PIAS1: variants seen among roughly 807,000 people sequenced by gnomAD.
PIAS1 encodes the protein protein inhibitor of activated STAT 1, also known as E3 SUMO-protein ligase PIAS1.
Under a neutral mutation model 71.3 loss-of-function variants are expected in PIAS1, and 6 were observed. The observed-to-expected ratio is 0.08, with a 90% CI of 0.05 to 0.17. The LOEUF (loss-of-function observed/expected upper bound fraction) is 0.17, where lower values mean the gene tolerates loss of function less well. PIAS1 is among the 10% of genes least tolerant of loss of function. The pLI is 1.00. For synonymous variants in PIAS1, 303 were observed against 292.9 expected, an observed-to-expected ratio of 1.03 and a Z score of -0.35; for missense variants, 555 against 793.6, an observed-to-expected ratio of 0.70 and a Z score of 3.61.
At chr15:68,165,847 A>G (rs922107765) in intron 8 of PIAS1, among the ~76,000 whole-genome samples, 1 of 152,130 alleles carries the variant, frequency 6.6e-6, no homozygotes, top group Non-Finnish European at 1.5e-5. Flanking sequence ...CATATTTTAA[A>G]TTTGGGAGAA....
chr15:68,071,328 G>C (rs2140965554), intron 1 of PIAS1, among the ~76,000 whole-genome samples: 1 of 139,816 alleles, frequency 7.2e-6, no homozygotes, highest in South Asian at 2.3e-4. Context: ...GCAATTCTCT[G>C]CTTCAGCCTC....
chr15:68,097,377 A>C (rs927998133), intron 2 of PIAS1, among the ~76,000 whole-genome samples: 1 of 152,116 alleles, frequency 6.6e-6, no homozygotes, highest in Non-Finnish European at 1.5e-5. Flanking sequence ...TCTTTCATAG[A>C]TGCCCTTCCT....
At chr15:68,182,809 C>T (rs1368158478) in intron 12 of PIAS1, among the ~76,000 whole-genome samples, 1 of 152,136 alleles carries the variant, frequency 6.6e-6, no homozygotes, top group African/African-American at 2.4e-5. Flanking sequence ...AACAACAGTG[C>T]TATGCATTTT....
intron 8 of PIAS1, among the ~76,000 whole-genome samples, chr15:68,165,748 A>AT (rs564298700): frequency 2.0e-5 from 3 of 152,184 alleles, no homozygotes; most frequent in Non-Finnish European, 4.4e-5. Context: ...TGGTGGTTGA[A>AT]TATGGCCATA....
chr15:68,121,745 A>G (rs1188837467), intron 2 of PIAS1, among the ~76,000 whole-genome samples: 5 of 152,136 alleles, frequency 3.3e-5, no homozygotes. Context: ...GCTTCAGGTT[A>G]GTATTTCTTT....
At chr15:68,159,264 T>C (rs886616506) in intron 7 of PIAS1, among the ~76,000 whole-genome samples, 7 of 152,214 alleles carry the variant, frequency 4.6e-5, no homozygotes, top group African/African-American at 1.7e-4. Flanking sequence ...TAATAAGTGC[T>C]TCTACTTTTA....
intron 2 of PIAS1, among the ~76,000 whole-genome samples, chr15:68,112,206 A>G (rs1567046758): frequency 6.6e-6 from 1 of 152,168 alleles, no homozygotes; most frequent in East Asian, 1.9e-4. Flanking sequence ...ACACTTGCAC[A>G]TTAGATCCTA....
intron 2 of PIAS1, among the ~76,000 whole-genome samples, chr15:68,139,988 CTA>C (rs1221760825): frequency 2.0e-5 from 3 of 152,072 alleles, no homozygotes; most frequent in African/African-American, 7.2e-5. Context: ...AAAACCAAAA[CTA>C]TAGACTTCAC....
At chr15:68,134,858 G>A (rs61359905) in intron 2 of PIAS1, among the ~76,000 whole-genome samples, 19 of 29,326 alleles carry the variant, frequency 6.5e-4, no homozygotes, top group African/African-American at 1.3e-3. Flanking sequence ...CCCCCCCACC[G>A]CCCTCCCGGA....
intron 2 of PIAS1, among the ~76,000 whole-genome samples, chr15:68,122,523 A>T (rs188004686): frequency 8.8e-4 from 134 of 152,350 alleles, no homozygotes; most frequent in Non-Finnish European, 1.6e-3. Context: ...AGTGAAATGC[A>T]ATCCTAGAGG....
chr15:68,102,223 C>A (rs903843667), intron 2 of PIAS1, among the ~76,000 whole-genome samples: 1 of 152,170 alleles, frequency 6.6e-6, no homozygotes, highest in Non-Finnish European at 1.5e-5. Context: ...AGGCCGTCCT[C>A]CTCCATTGAA....
intron 6 of PIAS1, among the ~76,000 whole-genome samples, chr15:68,147,707 CCTTTAAATATTTAGTT>C (rs2092818047): frequency 6.6e-6 from 1 of 152,034 alleles, no homozygotes; most frequent in African/African-American, 2.4e-5. Context: ...TCATATTTTA[CCTTTAAATATTTAGTT>C]CATATTAAAT....
chr15:68,073,256 A>G (rs569206765), intron 1 of PIAS1, among the ~76,000 whole-genome samples: 4 of 152,236 alleles, frequency 2.6e-5, no homozygotes, highest in African/African-American at 9.6e-5. Flanking sequence ...TGACCTCGTG[A>G]TCTACCCATC....
intron 2 of PIAS1, among the ~76,000 whole-genome samples, chr15:68,127,870 C>A (rs1282157214): frequency 6.6e-6 from 1 of 152,152 alleles, no homozygotes; most frequent in East Asian, 1.9e-4. Flanking sequence ...TCAAGCAATT[C>A]TCCTGCTTCA....
intron 2 of PIAS1, among the ~76,000 whole-genome samples, chr15:68,121,930 C>G (rs1330654274): frequency 1.3e-5 from 2 of 152,014 alleles, no homozygotes; most frequent in Non-Finnish European, 2.9e-5. Context: ...GTGTTTGAGA[C>G]CAGCCTGGGT....
rs147762283 is a variant in PIAS1 at position 68,077,863 on chromosome 15, T to C, written c.25-8443T>C. On this transcript the variant is annotated intron_variant, in intron 1 of 13. Coordinates refer to ENST00000249636, the MANE Select transcript of PIAS1 (RefSeq NM_016166.3). ...AGTTCAGTACCACCCCTCTAGGACT[T>C]TTCCTTAATCTCTATACTAGGACCC... Among the ~76,000 whole-genome samples, 54 of 152,338 alleles carry C rather than the reference T, an allele frequency of 3.5e-4. 2 individuals are homozygous for C. In the East Asian group the frequency reaches 9.6e-3, roughly 27 times the overall value.
Position 68,146,628 on chromosome 15 carries a change from C to T in PIAS1, c.756C>T (p.Ile252=). 1 of 1,613,042 alleles carries T rather than the reference C, an allele frequency of 6.2e-7. No individual in the cohort carries two copies. Among genetic ancestry groups the T allele is most frequent in the East Asian group, 2.2e-5 (1 of 44,854 alleles). ...AGCGACCCAGCCGACCAATTAATAT[C>T]ACCTCACTTGTCCGACTGTCCACAA... ...EPKRPSRPIN[I]TSLVRLSTTV... Residue 252 remains isoleucine, a synonymous_variant, in exon 6 of 14, where the codon ATC becomes ATT. Transcript: ENST00000249636.
chr15:68,068,285 G>A (rs558466797), intron 1 of PIAS1, among the ~76,000 whole-genome samples: 9 of 152,212 alleles, frequency 5.9e-5, no homozygotes, highest in Admixed American at 2.0e-4. Context: ...TGGGAGGATC[G>A]CTTGAGCCAG....
intron 2 of PIAS1, among the ~76,000 whole-genome samples, chr15:68,138,862 T>C (rs1282004449): frequency 1.3e-5 from 2 of 152,246 alleles, no homozygotes; most frequent in African/African-American, 2.4e-5. Context: ...AAATCTTTAC[T>C]AAAATACAGT....
Sources: gnomAD v4.1 joint callset for allele counts (sites outside exome capture counted in the v4.1 genomes callset) on GRCh38, gnomAD v4.1.1 for gene constraint, MANE v1.5 for transcripts, NCBI Gene and HGNC (gene_info 2026-07-23, HGNC 2026-07-21) for gene names.